ADAM9: variants seen among roughly 807,000 people sequenced by gnomAD.
The protein encoded by ADAM9 is ADAM metallopeptidase domain 9, also known as disintegrin and metalloproteinase domain-containing protein 9.
Under a neutral mutation model 108.1 loss-of-function variants are expected in ADAM9, and 54 were observed. That is an observed-to-expected ratio of 0.50 (90% CI 0.40 to 0.63). ADAM9 has a LOEUF of 0.63. ADAM9 is among the 20% of genes least tolerant of loss of function. ADAM9 has a pLI of 0.00. For missense variants in ADAM9, 830 were observed against 997.7 expected (o/e 0.83, Z 2.26); for synonymous variants, 316 against 336.0 (o/e 0.94, Z 0.65).
rs567570159 is a variant in ADAM9, at chr8:39,055,848, A to T, written c.1591+76A>T. The T allele has an allele frequency of 7.1e-5, 101 of 1,423,804 alleles. 1 individual carries two copies. The highest frequency in any genetic ancestry group is 3.1e-4 in the Admixed American group (16 of 51,630). The allele number at this position is 1,423,804 out of a possible 1,614,324, so 88.2% of individuals were successfully genotyped here. A position where few individuals can be genotyped will look rare whatever the true frequency, so the allele number is the denominator to read the frequency against. On this transcript the variant is annotated intron_variant, in intron 14 of 21. Transcript: ENST00000487273. ...TTTAGATATTTTAAAAAAGGTAATG[A>T]AACATTATTGATAAAGTTGAGGCTC...
intron 18 of ADAM9, among the ~76,000 whole-genome samples, chr8:39,089,082 A>G (rs1839266315): frequency 6.6e-6 from 1 of 152,064 alleles, no homozygotes; most frequent in Non-Finnish European, 1.5e-5. Flanking sequence ...ACCTGTCTCT[A>G]CTAATAATAC....
At chr8:39,045,355 TACATATAG>T (rs1837683742) in intron 12 of ADAM9, among the ~76,000 whole-genome samples, 4 of 117,170 alleles carry the variant, frequency 3.4e-5, no homozygotes, top group South Asian at 2.5e-4. Flanking sequence ...TGTGTGTACA[TACATATAG>T]GTGTGTGTAC....
intron 12 of ADAM9, among the ~76,000 whole-genome samples, chr8:39,045,252 A>G (rs570977032): frequency 1.6e-5 from 2 of 128,254 alleles, no homozygotes; most frequent in Admixed American, 7.4e-5. Context: ...ACATACATAT[A>G]TGTGTATATA....
chr8:39,023,220 T>C lies in ADAM9; in HGVS notation c.809T>C (p.Leu270Pro). ...VGLEIWTNGN[L>P]INIVGGAGDV... ...CTGGAGATTTGGACCAATGGAAACCTGATCAACATAGTTGGGGGTGCTGGT... is the reference window on the plus strand; with the variant it reads ...CTGGAGATTTGGACCAATGGAAACCCGATCAACATAGTTGGGGGTGCTGGT... Residue 270 changes from leucine (L) to proline (P), a missense_variant, in exon 9 of 22, where the codon CTG becomes CCG. By Grantham distance (98) the Leu-to-Pro change is moderately conservative. Transcript: ENST00000487273. The C allele has an allele frequency of 6.2e-7, 1 of 1,613,902 alleles. No individual in the cohort carries two copies. The highest frequency in any genetic ancestry group is 8.5e-7 in the Non-Finnish European group (1 of 1,179,904).
chr8:39,091,772 C>T (rs1839363701), intron 20 of ADAM9, among the ~76,000 whole-genome samples: 1 of 152,176 alleles, frequency 6.6e-6, no homozygotes, highest in Admixed American at 6.5e-5. Flanking sequence ...CAGGTATGAG[C>T]CACTGTGCCC....
At chr8:39,071,449 C>G (rs1215059712) in intron 15 of ADAM9, 46 bp downstream of exon 15, 2 of 1,292,612 alleles carry the variant, frequency 1.5e-6, no homozygotes, top group African/African-American at 3.0e-5. Context: ...ATTATAAGAT[C>G]CGTCATCTCT....
intron 1 of ADAM9, among the ~76,000 whole-genome samples, chr8:39,004,757 C>T (rs945535876): frequency 6.6e-6 from 1 of 152,132 alleles, no homozygotes; most frequent in East Asian, 1.9e-4. Context: ...AAGGTAACTT[C>T]TGGGCATTGC....
intron 3 of ADAM9, among the ~76,000 whole-genome samples, chr8:39,013,504 CCTT>C (rs1006168123): frequency 1.4e-5 from 2 of 140,276 alleles, no homozygotes; most frequent in Admixed American, 7.1e-5. Context: ...TTTTTTTTCT[CCTT>C]TTTTTTTTTT....
intron 16 of ADAM9, among the ~76,000 whole-genome samples, chr8:39,080,942 G>A (rs1218809679): frequency 1.4e-5 from 2 of 141,580 alleles, no homozygotes; most frequent in Non-Finnish European, 3.0e-5. Flanking sequence ...CCTTCCCACT[G>A]TGAGAGTTTT....
chr8:39,070,627 G>A (rs1838652229), intron 14 of ADAM9, among the ~76,000 whole-genome samples: 1 of 151,970 alleles, frequency 6.6e-6, no homozygotes, highest in Non-Finnish European at 1.5e-5. Context: ...GCATGGTGGC[G>A]TGTACCTGTA....
intron 6 of ADAM9, 25 bp downstream of exon 6, chr8:39,017,439 T>TGA (rs749923624): frequency 6.2e-7 from 1 of 1,600,040 alleles, no homozygotes; most frequent in Non-Finnish European, 8.6e-7. Context: ...TAATTCTTCA[T>TGA]GGCTCAGACT....
At position 39,104,823 on chromosome 8, in the gene ADAM9, A is replaced by G. The variant is rs780976954; in HGVS notation, c.*1123A>G. 79 of 453,648 alleles carry G rather than the reference A, an allele frequency of 1.7e-4. No homozygotes were observed. In the Middle Eastern group the frequency reaches 2.0e-3, roughly 12 times the overall value. The allele number at this position is 453,648 out of a possible 1,614,324, so 28.1% of individuals were successfully genotyped here. A position where few individuals can be genotyped will look rare whatever the true frequency, so the allele number is the denominator to read the frequency against. On this transcript the variant is annotated 3_prime_UTR_variant, in exon 22 of 22. Transcript: ENST00000487273. Reference sequence around the variant, plus strand: ...GTTAAAAATGAATTTTTACTATGGCAGATATGGTATGGATCGTAAAATTTT... The same window carrying G: ...GTTAAAAATGAATTTTTACTATGGCGGATATGGTATGGATCGTAAAATTTT...
At chr8:39,025,525 G>A (rs546946423) in intron 9 of ADAM9, among the ~76,000 whole-genome samples, 1 of 152,192 alleles carries the variant, frequency 6.6e-6, no homozygotes, top group South Asian at 2.1e-4. Context: ...TATAATAAGT[G>A]TATAAATAAA....
intron 11 of ADAM9, among the ~76,000 whole-genome samples, chr8:39,036,558 T>C (rs899017288): frequency 1.6e-4 from 24 of 152,070 alleles, no homozygotes; most frequent in African/African-American, 5.6e-4. Flanking sequence ...CACCTAGATG[T>C]GAGAAAAGAG....
At chr8:39,061,592 G>A (rs758772917) in intron 14 of ADAM9, among the ~76,000 whole-genome samples, 4 of 152,162 alleles carry the variant, frequency 2.6e-5, no homozygotes, top group Non-Finnish European at 5.9e-5. Flanking sequence ...AAATGCCACA[G>A]ACCGGGTAAT....
At chr8:39,047,759 T>A (rs897831937) in intron 12 of ADAM9, among the ~76,000 whole-genome samples, 2 of 152,168 alleles carry the variant, frequency 1.3e-5, no homozygotes, top group Non-Finnish European at 2.9e-5. Flanking sequence ...TTTTCAATTC[T>A]TTTTCTAGTC....
At position 39,037,455 on chromosome 8, in the gene ADAM9, TG is replaced by T. The variant is rs1287604614; in HGVS notation, c.1131-4490del. The stretch of plus-strand genomic sequence containing the variant: ...ATATATATTTAAGTGTGTGTGTGTG[TG>T]TGTTTTTTTTTTTTTTTTGGAGACA... On this transcript the variant is annotated intron_variant, in intron 11 of 21. Coordinates refer to ENST00000487273, the MANE Select transcript of ADAM9 (RefSeq NM_003816.3). 2.3e-3 allele frequency among the ~76,000 whole-genome samples: 302 copies of T among 128,742 alleles called. 4 individuals carry two copies. The highest frequency in any genetic ancestry group is 8.5e-3 in the African/African-American group (290 of 33,952). The allele number at this position is 128,742 out of a possible 152,430, so 84.5% of individuals were successfully genotyped here. A position where few individuals can be genotyped will look rare whatever the true frequency, so the allele number is the denominator to read the frequency against.
At chr8:39,073,762 TA>T (rs1308040568) in intron 15 of ADAM9, among the ~76,000 whole-genome samples, 1 of 152,190 alleles carries the variant, frequency 6.6e-6, no homozygotes, top group Non-Finnish European at 1.5e-5. Flanking sequence ...TTCATATTTT[TA>T]TGAATATCTT....
intron 11 of ADAM9, among the ~76,000 whole-genome samples, chr8:39,033,133 T>C (rs936907609): frequency 1.3e-5 from 2 of 152,258 alleles, no homozygotes; most frequent in African/African-American, 2.4e-5. Context: ...AGAGATCTTA[T>C]ACATATTTTG....
Sources: gnomAD v4.1 joint callset for allele counts (sites outside exome capture counted in the v4.1 genomes callset) on GRCh38, gnomAD v4.1.1 for gene constraint, MANE v1.5 for transcripts, NCBI Gene and HGNC (gene_info 2026-07-23, HGNC 2026-07-21) for gene names.